Variants in HS3ST5 observed in about 807,000 individuals in gnomAD.
The protein encoded by HS3ST5 is heparan sulfate-glucosamine 3-sulfotransferase 5, also known as heparan sulfate glucosamine 3-O-sulfotransferase 5.
Under a neutral mutation model 25.4 loss-of-function variants are expected in HS3ST5, and 10 were observed. The ratio of observed to expected loss-of-function variants is 0.39; its 90% CI spans 0.24 to 0.67. HS3ST5 has a LOEUF of 0.67. Among genes scored for constraint, HS3ST5 ranks in the 30% least tolerant of loss-of-function variants. The pLI is 0.44. For missense variants in HS3ST5, 324 were observed against 420.7 expected (o/e 0.77, Z 2.01); for synonymous variants, 170 against 162.4 (o/e 1.05, Z -0.36).
At chr6:114,251,838 C>T (rs1772677927) in intron 1 of HS3ST5, 1 of 152,240 alleles carries the variant, frequency 6.6e-6, no homozygotes, top group African/African-American at 2.4e-5. Context: ...GTCATCCCAT[C>T]ATTTGAGCCA....
At chr6:114,164,144 T>C (rs1779100089) in intron 3 of HS3ST5, among the ~76,000 whole-genome samples, 1 of 8,636 alleles carries the variant, frequency 1.2e-4, no homozygotes, top group African/African-American at 1.4e-4. Context: ...ATATGTAGGA[T>C]TTTTTTTGCT....
intron 1 of HS3ST5, among the ~76,000 whole-genome samples, chr6:114,303,544 AC>A (rs1775171113): frequency 6.6e-6 from 1 of 152,010 alleles, no homozygotes; most frequent in South Asian, 2.1e-4. Context: ...GTTAAGAACC[AC>A]TAGTTTAAGA....
intron 1 of HS3ST5, among the ~76,000 whole-genome samples, chr6:114,317,800 G>A (rs1471850942): frequency 6.8e-6 from 1 of 147,076 alleles, no homozygotes; most frequent in African/African-American, 2.5e-5. Context: ...GGAGGCGGGG[G>A]GCGGGGGGGT....
chr6:114,336,425 T>A (rs918763316), intron 1 of HS3ST5, among the ~76,000 whole-genome samples: 2 of 152,134 alleles, frequency 1.3e-5, no homozygotes, highest in Non-Finnish European at 2.9e-5. Flanking sequence ...CTGGCCAACA[T>A]GGCAAAACCC....
At chr6:114,319,863 G>T (rs149202202) in intron 1 of HS3ST5, among the ~76,000 whole-genome samples, 133 of 151,816 alleles carry the variant, frequency 8.8e-4, no homozygotes, top group Middle Eastern at 3.4e-3. Flanking sequence ...CTATTTTTTT[G>T]TTGTTGTTGT....
At chr6:114,250,352 C>T (rs565314049) in intron 1 of HS3ST5, among the ~76,000 whole-genome samples, 15 of 152,214 alleles carry the variant, frequency 9.9e-5, no homozygotes, top group African/African-American at 2.9e-4. Context: ...GAGGTCGAGA[C>T]GGGCAGATCA....
At chr6:114,066,658 AC>A (rs1326940007) in intron 3 of HS3ST5, among the ~76,000 whole-genome samples, 7 of 152,102 alleles carry the variant, frequency 4.6e-5, no homozygotes, top group African/African-American at 7.2e-5. Context: ...AATAAAAAAA[AC>A]AACAAAAAAA....
At chr6:114,152,158 G>A (rs188932417) in intron 3 of HS3ST5, among the ~76,000 whole-genome samples, 9 of 152,002 alleles carry the variant, frequency 5.9e-5, no homozygotes, top group Admixed American at 5.9e-4. Flanking sequence ...TCCTGACCTC[G>A]TGATCGACGC....
At chr6:114,150,374 T>C (rs1189143749) in intron 3 of HS3ST5, among the ~76,000 whole-genome samples, 1 of 152,178 alleles carries the variant, frequency 6.6e-6, no homozygotes, top group Non-Finnish European at 1.5e-5. Context: ...TGTTCAATGT[T>C]TGACTTATTA....
At chr6:114,139,822 C>A (rs1437478801) in intron 3 of HS3ST5, among the ~76,000 whole-genome samples, 14 of 152,138 alleles carry the variant, frequency 9.2e-5, no homozygotes, top group Non-Finnish European at 1.8e-4. Context: ...ATGGCAGTTA[C>A]AAAATTAGAA....
intron 2 of HS3ST5, among the ~76,000 whole-genome samples, chr6:114,180,494 C>T (rs1779924127): frequency 6.6e-6 from 1 of 152,104 alleles, no homozygotes. Context: ...GGGCTTACAC[C>T]AGTGGTAGCT....
intron 2 of HS3ST5, among the ~76,000 whole-genome samples, chr6:114,198,263 A>G (rs1187729178): frequency 3.9e-5 from 6 of 152,154 alleles, no homozygotes. Context: ...TAAAAAATGA[A>G]CGAAGCCTTT....
intron 2 of HS3ST5, among the ~76,000 whole-genome samples, chr6:114,215,357 G>T (rs1205252668): frequency 6.6e-6 from 1 of 152,048 alleles, no homozygotes; most frequent in East Asian, 1.9e-4. Flanking sequence ...TCAGGACAGA[G>T]AAATCGAGTC....
intron 3 of HS3ST5, among the ~76,000 whole-genome samples, chr6:114,104,783 C>T (rs941739887): frequency 1.3e-5 from 2 of 152,142 alleles, no homozygotes; most frequent in Admixed American, 6.5e-5. Context: ...GGTTATGTCA[C>T]GAGACTCATT....
At chr6:114,245,438 T>C (rs1321295397) in intron 1 of HS3ST5, among the ~76,000 whole-genome samples, 1 of 152,058 alleles carries the variant, frequency 6.6e-6, no homozygotes, top group Non-Finnish European at 1.5e-5. Flanking sequence ...GTCAGGATCA[T>C]CATCAAGAAT....
At chr6:114,187,854 G>A (rs1448216599) in intron 2 of HS3ST5, among the ~76,000 whole-genome samples, 1 of 152,020 alleles carries the variant, frequency 6.6e-6, no homozygotes, top group Non-Finnish European at 1.5e-5. Flanking sequence ...AACCTTCAGC[G>A]ACCACAGACC....
At chr6:114,183,765 G>C (rs1007402251) in intron 2 of HS3ST5, among the ~76,000 whole-genome samples, 1 of 152,204 alleles carries the variant, frequency 6.6e-6, no homozygotes, top group African/African-American at 2.4e-5. Context: ...AAGGAAAAAG[G>C]AGAGATGTAG....
chr6:114,163,660 G>T (rs962998632), intron 3 of HS3ST5, among the ~76,000 whole-genome samples: 1 of 152,038 alleles, frequency 6.6e-6, no homozygotes, highest in Non-Finnish European at 1.5e-5. Context: ...TGAGATGAAT[G>T]AACTCTTTTG....
At chr6:114,270,130 A>T (rs1773577048) in intron 1 of HS3ST5, among the ~76,000 whole-genome samples, 1 of 152,208 alleles carries the variant, frequency 6.6e-6, no homozygotes, top group Non-Finnish European at 1.5e-5. Flanking sequence ...AAAAGTTGAT[A>T]TGATGCTGAG....
Sources: gnomAD v4.1 joint callset for allele counts (sites outside exome capture counted in the v4.1 genomes callset) on GRCh38, gnomAD v4.1.1 for gene constraint, MANE v1.5 for transcripts, NCBI Gene and HGNC (gene_info 2026-07-23, HGNC 2026-07-21) for gene names.